CRYBG1: variants seen among roughly 807,000 people sequenced by gnomAD.
The protein encoded by CRYBG1 is crystallin beta-gamma domain containing 1.
CRYBG1 carries 139 observed loss-of-function variants against 189.2 expected under a neutral mutation model. The ratio of observed to expected loss-of-function variants is 0.73; its 90% confidence interval spans 0.64 to 0.85. The LOEUF is 0.85. Among genes scored for constraint, CRYBG1 ranks in the 40% least tolerant of loss-of-function variants. The probability of loss-of-function intolerance (pLI) is 0.00; values close to 1 mark genes in which losing one functional copy is unlikely to be tolerated. For synonymous variants in CRYBG1, 1,023 were observed against 1,017.1 expected, an observed-to-expected ratio of 1.01 and a Z score of -0.11; for missense variants, 2,611 against 2,675.8, an observed-to-expected ratio of 0.98 and a Z score of 0.53.
chr6:106,552,068 T>C (rs1392050696), intron 14 of CRYBG1, 90 bp downstream of exon 14: 2 of 1,449,628 alleles, frequency 1.4e-6, no homozygotes, highest in Non-Finnish European at 1.9e-6. Flanking sequence ...GTAATTGCTA[T>C]GGAAAATATT....
intron 2 of CRYBG1, 103 bp downstream of exon 2, chr6:106,451,935 G>A: frequency 5.5e-6 from 4 of 727,046 alleles, no homozygotes; most frequent in Non-Finnish European, 7.6e-6. Context: ...AAAAGTAATG[G>A]TATATATTGT....
chr6:106,541,632 ATATG>A lies in CRYBG1; in HGVS notation c.4881+15_4881+18del. 1 of 1,587,118 alleles carries A rather than the reference ATATG, an allele frequency of 6.3e-7. No homozygotes were observed. The highest frequency in any genetic ancestry group is 1.7e-5 in the Admixed American group (1 of 59,852). On this transcript the variant is annotated intron_variant, in intron 10 of 21. Transcript: ENST00000633556. ...CCTACAGATCCAAAGGTAAAAATAT[ATATG>A]TATTTTTGTATGTATGTATATGTAA...
chr6:106,460,728 C>T (rs1771993318), intron 2 of CRYBG1, among the ~76,000 whole-genome samples: 1 of 152,148 alleles, frequency 6.6e-6, no homozygotes, highest in Non-Finnish European at 1.5e-5. Context: ...TGAAATGCTC[C>T]TCCCTCTCAC....
At chr6:106,430,496 C>T (rs1692368699) in intron 1 of CRYBG1, among the ~76,000 whole-genome samples, 1 of 152,220 alleles carries the variant, frequency 6.6e-6, no homozygotes, top group Non-Finnish European at 1.5e-5. Context: ...TCTACCCCCA[C>T]ATTTGGCGAA....
chr6:106,493,417 A>G (rs961870343), intron 2 of CRYBG1, among the ~76,000 whole-genome samples: 26 of 152,222 alleles, frequency 1.7e-4, no homozygotes, highest in African/African-American at 5.5e-4. Context: ...TGCAGCTACT[A>G]TAGGAAAGAG....
intron 17 of CRYBG1, among the ~76,000 whole-genome samples, chr6:106,557,074 A>G (rs1214204902): frequency 2.0e-5 from 3 of 152,230 alleles, no homozygotes; most frequent in African/African-American, 2.4e-5. Flanking sequence ...TGAAGACTAC[A>G]TATCTTTGTG....
intron 1 of CRYBG1, among the ~76,000 whole-genome samples, chr6:106,362,221 G>A (rs1771891235): frequency 1.3e-5 from 2 of 151,294 alleles, no homozygotes; most frequent in Non-Finnish European, 2.9e-5. Flanking sequence ...CGCCCGCCTC[G>A]GCCTCCCAAA....
rs1357575889 is a variant in CRYBG1 at position 106,544,801 on chromosome 6, C to T, written c.5180C>T (p.Ala1727Val). The change falls in exon 13 of 22, where the codon GCT becomes GTT. Residue 1727 changes from alanine (A) to valine (V), a missense_variant. Transcript: ENST00000633556. Reference sequence around the variant, plus strand: ...TTTTCTCAATAGGATTTTTCAAATGCTCACATGATAATGTACAGTGAAAAA... The same window carrying T: ...TTTTCTCAATAGGATTTTTCAAATGTTCACATGATAATGTACAGTGAAAAA... ...LRPILGDFSNAHMIMYSEKNF... is the reference protein window; with the variant it reads ...LRPILGDFSNVHMIMYSEKNF... The T allele has an allele frequency of 2.5e-6, 4 of 1,600,634 alleles. No individual in the cohort carries two copies. The highest frequency in any genetic ancestry group is 3.4e-6 in the Non-Finnish European group (4 of 1,176,692).
At position 106,396,325 on chromosome 6, in the gene CRYBG1, G is replaced by A. The variant is rs112234157; in HGVS notation, c.173+35244G>A. 4.0e-3 allele frequency among the ~76,000 whole-genome samples: 616 copies of A among 152,242 alleles called. 5 individuals carry two copies. The highest frequency in any genetic ancestry group is 0.014 in the African/African-American group (573 of 41,534). On this transcript the variant is annotated intron_variant, in intron 1 of 21. Coordinates refer to ENST00000633556, the MANE Select transcript of CRYBG1 (RefSeq NM_001371242.2). ...AAATAGAATTTTGACTACTGTTTCA[G>A]TGTAAACACTGAATGAACTTATAAA...
chr6:106,551,141 C>T (rs1175152146), intron 13 of CRYBG1, among the ~76,000 whole-genome samples: 6 of 152,014 alleles, frequency 3.9e-5, no homozygotes, highest in Non-Finnish European at 8.8e-5. Context: ...CCCTCCTGGC[C>T]CCTTTTGTAG....
intron 8 of CRYBG1, among the ~76,000 whole-genome samples, chr6:106,535,757 CTTTTTTTTTTTTTTTTTTT>C (rs924751643): frequency 8.5e-4 from 2 of 2,352 alleles, no homozygotes; most frequent in East Asian, 0.013. Flanking sequence ...AAGCCACTAA[CTTTTTTTTTTTTTTTTTTT>C]TTTTTTTTTT....
intron 1 of CRYBG1, among the ~76,000 whole-genome samples, chr6:106,419,454 C>T (rs1582751964): frequency 6.6e-6 from 1 of 152,298 alleles, no homozygotes; most frequent in Non-Finnish European, 1.5e-5. Flanking sequence ...GTGATCACGG[C>T]TCACTGCAGC....
Position 106,551,947 on chromosome 6 carries a change from G to GT in CRYBG1, c.5409dup (p.Lys1804Ter). The GT allele has an allele frequency of 6.2e-7, 1 of 1,609,418 alleles. No individual in the cohort carries two copies. Among genetic ancestry groups the GT allele is most frequent in the South Asian group, 1.1e-5 (1 of 90,808 alleles). ...TTTGAGGACTGGGGAGGCAAAAATT[G>GT]TAAGATCTCTTCTGTTCAACCTATA... is the stretch of plus-strand genomic sequence containing the variant. On this transcript the variant is annotated frameshift_variant, in exon 14 of 22. Transcript: ENST00000633556. LOFTEE classifies it high-confidence loss of function.
intron 1 of CRYBG1, among the ~76,000 whole-genome samples, chr6:106,428,559 T>C (rs1771268796): frequency 6.6e-6 from 1 of 152,206 alleles, no homozygotes. Flanking sequence ...TACTATCCCA[T>C]TTAATTCCTC....
chr6:106,402,074 G>T, intron 1 of CRYBG1, among the ~76,000 whole-genome samples: 1 of 106,860 alleles, frequency 9.4e-6, no homozygotes, highest in Non-Finnish European at 1.9e-5. Flanking sequence ...AAAATACCTA[G>T]GAATCCAACT....
intron 1 of CRYBG1, among the ~76,000 whole-genome samples, chr6:106,432,230 T>C (rs1230438878): frequency 2.0e-5 from 3 of 152,216 alleles, no homozygotes; most frequent in African/African-American, 4.8e-5. Flanking sequence ...CCCTTCTTTG[T>C]ACTTTCATTA....
At position 106,553,862 on chromosome 6, in the gene CRYBG1, C is replaced by T. The variant is rs192871396; in HGVS notation, c.5585+295C>T. The stretch of plus-strand genomic sequence containing the variant: ...GTTGGGCTCTAGTTAATCCAAGGTA[C>T]CTCCCAAGGTGGATTGTTCAAAGGA... On this transcript the variant is annotated intron_variant, in intron 16 of 21. Transcript: ENST00000633556. Among the ~76,000 whole-genome samples the T allele has an allele frequency of 4.6e-5, 7 of 152,252 alleles. No individual in the cohort carries two copies. The East Asian group carries it at 1.3e-3, about 29-fold the overall frequency.
intron 2 of CRYBG1, among the ~76,000 whole-genome samples, chr6:106,496,361 T>C (rs1373806636): frequency 6.6e-6 from 1 of 152,206 alleles, no homozygotes; most frequent in Admixed American, 6.5e-5. Context: ...CTTAACACTT[T>C]CCTTATCATT....
intron 2 of CRYBG1, among the ~76,000 whole-genome samples, chr6:106,510,135 A>G (rs572523016): frequency 6.6e-6 from 1 of 152,252 alleles, no homozygotes; most frequent in South Asian, 2.1e-4. Flanking sequence ...CCAGGACTCA[A>G]GCTAGCACCT....
Sources: gnomAD v4.1 joint callset for allele counts (sites outside exome capture counted in the v4.1 genomes callset) on GRCh38, gnomAD v4.1.1 for gene constraint, MANE v1.5 for transcripts, NCBI Gene and HGNC (gene_info 2026-07-23, HGNC 2026-07-21) for gene names.